MAP4K4: variants seen among roughly 807,000 people sequenced by gnomAD.
The protein encoded by MAP4K4 is HPK/GCK-like kinase HGK.
A neutral mutation model predicts 189.6 loss-of-function variants in MAP4K4; 38 were observed. The observed-to-expected ratio is 0.20, with a 90% CI of 0.15 to 0.26. The LOEUF is 0.26. MAP4K4 is among the 10% of genes least tolerant of loss of function. The pLI, the probability that MAP4K4 is intolerant of heterozygous loss-of-function variation, is 1.00. For synonymous variants in MAP4K4, 610 were observed against 624.3 expected, an observed-to-expected ratio of 0.98 and a Z score of 0.34; for missense variants, 1,054 against 1,726.9, an observed-to-expected ratio of 0.61 and a Z score of 6.91.
chr2:101,843,339 T>TTG (rs2096978256), intron 11 of MAP4K4, among the ~76,000 whole-genome samples: 1 of 152,152 alleles, frequency 6.6e-6, no homozygotes, highest in African/African-American at 2.4e-5. Context: ...GAATGGGACT[T>TTG]GGAACAGAGA....
intron 21 of MAP4K4, 125 bp from the exon 22 acceptor site, chr2:101,869,497 A>T: frequency 5.8e-6 from 4 of 686,332 alleles, no homozygotes; most frequent in Non-Finnish European, 1.0e-5. Context: ...CTTTCTCATG[A>T]AACTGGGTAA....
chr2:101,750,083 A>G (rs989880524), intron 2 of MAP4K4, among the ~76,000 whole-genome samples: 2 of 149,858 alleles, frequency 1.3e-5, no homozygotes, highest in Non-Finnish European at 3.0e-5. Context: ...TAGTTCAACC[A>G]TTGTGGAAGT....
intron 13 of MAP4K4, among the ~76,000 whole-genome samples, 188 bp downstream of exon 13, chr2:101,856,326 CTT>C (rs1017958445): frequency 3.9e-5 from 6 of 152,144 alleles, no homozygotes; most frequent in African/African-American, 1.2e-4. Flanking sequence ...AATTCAGTCT[CTT>C]GTCTTAAAAA....
At chr2:101,805,198 T>G (rs992822427) in intron 3 of MAP4K4, among the ~76,000 whole-genome samples, 1 of 152,012 alleles carries the variant, frequency 6.6e-6, no homozygotes, top group South Asian at 2.1e-4. Flanking sequence ...AACTCTTCAA[T>G]GGACCAGCAC....
At chr2:101,843,830 G>T (rs531750417) in intron 11 of MAP4K4, among the ~76,000 whole-genome samples, 22 of 152,308 alleles carry the variant, frequency 1.4e-4, no homozygotes, top group African/African-American at 5.1e-4. Flanking sequence ...CTTTTACTGA[G>T]TTTGAATTGT....
At chr2:101,698,283 G>T in intron 1 of MAP4K4, 146 bp downstream of exon 1, 1 of 539,260 alleles carries the variant, frequency 1.9e-6, no homozygotes, top group Non-Finnish European at 2.9e-6. Flanking sequence ...GTGCGGGCTG[G>T]TGCGGGGCGG....
intron 3 of MAP4K4, among the ~76,000 whole-genome samples, chr2:101,812,838 A>T (rs1338304397): frequency 6.6e-6 from 1 of 152,138 alleles, no homozygotes; most frequent in East Asian, 1.9e-4. Context: ...TTTAAATTGG[A>T]TTACGTTGGC....
At chr2:101,858,930 CCATT>C in intron 13 of MAP4K4, 62 bp from the exon 14 acceptor site, 1 of 1,165,244 alleles carries the variant, frequency 8.6e-7, no homozygotes, top group Non-Finnish European at 1.3e-6. Context: ...TCTTGGTGCT[CCATT>C]CAGGTGGTTC....
chr2:101,802,259 C>T (rs1011569629), intron 3 of MAP4K4, among the ~76,000 whole-genome samples: 3 of 152,194 alleles, frequency 2.0e-5, no homozygotes, highest in Non-Finnish European at 2.9e-5. Context: ...TAGATTTCTA[C>T]CATAGCCTCT....
chr2:101,729,101 A>AGAGAGAGAGAGAGTGTGTGT (rs149283961), intron 2 of MAP4K4, among the ~76,000 whole-genome samples: 1 of 130,504 alleles, frequency 7.7e-6, no homozygotes, highest in African/African-American at 3.1e-5. Flanking sequence ...AGAGAGAGAG[A>AGAGAGAGAGAGAGTGTGTGT]GTGTGTGTGT....
chr2:101,766,994 C>CA (rs992222150), intron 2 of MAP4K4, among the ~76,000 whole-genome samples: 69 of 152,252 alleles, frequency 4.5e-4, no homozygotes, highest in Middle Eastern at 6.8e-3. Context: ...AGAGGTTTTC[C>CA]ATTGGCTACT....
chr2:101,722,381 TG>T (rs1387236779), intron 2 of MAP4K4, among the ~76,000 whole-genome samples: 2 of 152,232 alleles, frequency 1.3e-5, no homozygotes, highest in Non-Finnish European at 2.9e-5. Flanking sequence ...TGAAAGTTTT[TG>T]TGAATTTTTC....
exon 33 of MAP4K4, chr2:101,894,056 C>G (rs1277479038): frequency 1.3e-5 from 2 of 152,228 alleles, no homozygotes; most frequent in Non-Finnish European, 2.9e-5. Flanking sequence ...GAAGTTTCTC[C>G]GTTAAAGATT....
intron 12 of MAP4K4, 143 bp from the exon 13 acceptor site, chr2:101,855,834 G>A: frequency 1.5e-6 from 1 of 686,742 alleles, no homozygotes; most frequent in Non-Finnish European, 2.4e-6. Context: ...GAGGGGCAGT[G>A]TGGAAATAAT....
At chr2:101,717,690 C>T (rs1474789081) in intron 2 of MAP4K4, among the ~76,000 whole-genome samples, 1 of 152,120 alleles carries the variant, frequency 6.6e-6, no homozygotes, top group East Asian at 1.9e-4. Flanking sequence ...TGGAAACAGT[C>T]TCACAAGCAA....
intron 12 of MAP4K4, among the ~76,000 whole-genome samples, chr2:101,846,277 A>C (rs889110973): frequency 6.6e-6 from 1 of 152,206 alleles, no homozygotes; most frequent in East Asian, 1.9e-4. Flanking sequence ...TTGCATATTG[A>C]CTGTACTTAC....
At chr2:101,722,299 A>G (rs1050347702) in intron 2 of MAP4K4, among the ~76,000 whole-genome samples, 3 of 152,166 alleles carry the variant, frequency 2.0e-5, no homozygotes, top group South Asian at 2.1e-4. Flanking sequence ...CTTTTAAACC[A>G]TTGAATTTGG....
chr2:101,822,613 A>G (rs2096134578), intron 3 of MAP4K4, among the ~76,000 whole-genome samples: 1 of 152,190 alleles, frequency 6.6e-6, no homozygotes, highest in Admixed American at 6.5e-5. Context: ...ATATTTGCAA[A>G]TCAAACTTCC....
chr2:101,740,025 C>T (rs576035838), intron 2 of MAP4K4, among the ~76,000 whole-genome samples: 41 of 152,134 alleles, frequency 2.7e-4, no homozygotes, highest in Non-Finnish European at 3.8e-4. Flanking sequence ...TGCTTTTGGA[C>T]ATGTTGACCA....
Sources: allele counts gnomAD v4.1 joint callset (sites outside exome capture counted in the v4.1 genomes callset), GRCh38; gene constraint gnomAD v4.1.1; transcripts MANE v1.5; gene names NCBI Gene and HGNC (gene_info 2026-07-23, HGNC 2026-07-21).